TOX: variants seen among roughly 807,000 people sequenced by gnomAD.
TOX encodes the protein thymocyte selection associated high mobility group box.
TOX carries 11 observed loss-of-function variants against 53.7 expected under a neutral mutation model. The observed-to-expected ratio is 0.20, with a 90% CI of 0.13 to 0.34. TOX has a LOEUF of 0.34. Among genes scored for constraint, TOX ranks in the 10% least tolerant of loss-of-function variants. TOX has a pLI of 1.00. For missense variants in TOX, 570 were observed against 664.6 expected (o/e 0.86, Z 1.56); for synonymous variants, 225 against 245.3 (o/e 0.92, Z 0.77).
intron 2 of TOX, among the ~76,000 whole-genome samples, chr8:58,947,061 A>G: frequency 6.6e-6 from 1 of 152,172 alleles, no homozygotes; most frequent in East Asian, 1.9e-4. Flanking sequence ...AAAATGTTAT[A>G]TATAATAAAA....
intron 6 of TOX, among the ~76,000 whole-genome samples, chr8:58,822,629 T>C (rs1810301102): frequency 1.3e-5 from 2 of 152,148 alleles, no homozygotes; most frequent in Admixed American, 1.3e-4. Context: ...TCAGCCTCTG[T>C]TGGTAGTGGG....
chr8:58,942,053 C>T (rs376372452), intron 2 of TOX, among the ~76,000 whole-genome samples: 2 of 106,338 alleles, frequency 1.9e-5, no homozygotes, highest in Admixed American at 9.5e-5. Flanking sequence ...GACTCTGTCT[C>T]AAAAAAAAAA....
chr8:59,012,452 A>AACCTG (rs1436783736), intron 1 of TOX, among the ~76,000 whole-genome samples: 1 of 151,864 alleles, frequency 6.6e-6, no homozygotes, highest in African/African-American at 2.4e-5. Flanking sequence ...GACCACAGAG[A>AACCTG]ACCTGACCTG....
At chr8:58,911,129 C>A (rs923223697) in intron 3 of TOX, among the ~76,000 whole-genome samples, 1 of 152,078 alleles carries the variant, frequency 6.6e-6, no homozygotes, top group Non-Finnish European at 1.5e-5. Context: ...TTACACAACC[C>A]CTTGGATGTC....
intron 1 of TOX, among the ~76,000 whole-genome samples, chr8:59,073,547 A>T (rs1804239743): frequency 6.6e-6 from 1 of 152,086 alleles, no homozygotes; most frequent in Non-Finnish European, 1.5e-5. Flanking sequence ...ATATAGTAGG[A>T]GACTTTTTTT....
chr8:58,925,754 C>T (rs1049437863), intron 3 of TOX, among the ~76,000 whole-genome samples: 6 of 152,154 alleles, frequency 3.9e-5, no homozygotes, highest in African/African-American at 1.4e-4. Context: ...ATAAAAAATA[C>T]CCCTGGTTTT....
At chr8:58,987,731 T>A (rs906421951) in intron 1 of TOX, among the ~76,000 whole-genome samples, 1 of 152,168 alleles carries the variant, frequency 6.6e-6, no homozygotes, top group African/African-American at 2.4e-5. Flanking sequence ...CACCTAACTG[T>A]GGGATACTTA....
At chr8:58,931,171 T>A (rs568396451) in intron 3 of TOX, among the ~76,000 whole-genome samples, 12 of 152,060 alleles carry the variant, frequency 7.9e-5, no homozygotes, top group Non-Finnish European at 1.5e-4. Flanking sequence ...GAATCAGCAA[T>A]TAAACATATC....
rs375784743 is a variant in TOX, at chr8:58,939,273, C to T, written c.411+29G>A. 2.5e-6 allele frequency: 4 copies of T among 1,612,248 alleles called. No homozygotes were observed. In the African/African-American group the frequency reaches 5.3e-5, roughly 22 times the overall value. On this transcript the variant is annotated intron_variant, in intron 3 of 8. Transcript: ENST00000361421. ...TTGTCCTTATGGTATCCCTCAGCCC[C>T]CACCACAAACAGGTAAGCAGATTCT...
At chr8:58,861,427 T>A (rs1041812112) in intron 3 of TOX, among the ~76,000 whole-genome samples, 1 of 152,202 alleles carries the variant, frequency 6.6e-6, no homozygotes, top group Non-Finnish European at 1.5e-5. Context: ...AGATCATGAC[T>A]TTTGCATCTG....
At chr8:59,083,603 AC>A (rs1395483040) in intron 1 of TOX, among the ~76,000 whole-genome samples, 1 of 152,202 alleles carries the variant, frequency 6.6e-6, no homozygotes, top group East Asian at 1.9e-4. Flanking sequence ...ACAGAAAAAA[AC>A]AATTGAACCC....
chr8:58,836,144 A>T (rs976751692), intron 5 of TOX, among the ~76,000 whole-genome samples: 10 of 152,174 alleles, frequency 6.6e-5, no homozygotes, highest in Non-Finnish European at 1.3e-4. Flanking sequence ...ATGTCTTCAT[A>T]TGTGGCGTCA....
At chr8:59,019,926 A>G (rs893116839) in intron 1 of TOX, among the ~76,000 whole-genome samples, 1 of 152,196 alleles carries the variant, frequency 6.6e-6, no homozygotes, top group African/African-American at 2.4e-5. Context: ...CATCTCTCAA[A>G]TGAATCATAC....
intron 6 of TOX, among the ~76,000 whole-genome samples, chr8:58,815,951 C>T (rs150351031): frequency 5.3e-5 from 8 of 152,232 alleles, no homozygotes; most frequent in African/African-American, 1.7e-4. Context: ...ACATTTTGTT[C>T]CTTTGCCTAA....
At chr8:58,911,094 A>G (rs567407616) in intron 3 of TOX, among the ~76,000 whole-genome samples, 1 of 151,406 alleles carries the variant, frequency 6.6e-6, no homozygotes, top group South Asian at 2.1e-4. Flanking sequence ...TGTACTTTGC[A>G]GTCTTTTCCC....
intron 3 of TOX, among the ~76,000 whole-genome samples, chr8:58,935,175 A>T (rs2129176056): frequency 6.6e-6 from 1 of 152,328 alleles, no homozygotes; most frequent in South Asian, 2.1e-4. Context: ...GACATACATT[A>T]TAATAATTGA....
intron 4 of TOX, among the ~76,000 whole-genome samples, chr8:58,841,650 T>C (rs1810644318): frequency 6.6e-6 from 1 of 152,170 alleles, no homozygotes; most frequent in Non-Finnish European, 1.5e-5. Flanking sequence ...GAGAGTAGGT[T>C]TTAAGCGTTC....
At chr8:59,032,587 T>C (rs753900133) in intron 1 of TOX, among the ~76,000 whole-genome samples, 1 of 152,206 alleles carries the variant, frequency 6.6e-6, no homozygotes, top group East Asian at 1.9e-4. Context: ...TTAATAATAA[T>C]GAAACTCTGA....
chr8:59,113,833 C>CA, intron 1 of TOX, among the ~76,000 whole-genome samples: 1 of 152,280 alleles, frequency 6.6e-6, no homozygotes, highest in South Asian at 2.1e-4. Flanking sequence ...TAGGAAGAAT[C>CA]ATCAGTATTT....
Sources: gnomAD v4.1 joint callset for allele counts (sites outside exome capture counted in the v4.1 genomes callset) on GRCh38, gnomAD v4.1.1 for gene constraint, MANE v1.5 for transcripts, NCBI Gene and HGNC (gene_info 2026-07-23, HGNC 2026-07-21) for gene names.